Variants in ADGRV1 observed in about 807,000 individuals in gnomAD.
ADGRV1 encodes the protein G-protein coupled receptor 98.
ADGRV1 carries 359 observed loss-of-function variants against 596.2 expected under a neutral mutation model. The observed-to-expected ratio is 0.60, with a 90% CI of 0.55 to 0.66. The LOEUF is 0.66. ADGRV1 is among the 30% of genes least tolerant of loss of function. The pLI is 0.00. For synonymous variants in ADGRV1, 2,681 were observed against 2,679.2 expected (o/e 1.00, Z -0.02); for missense variants, 7,274 against 7,575.6 (o/e 0.96, Z 1.48).
intron 87 of ADGRV1, among the ~76,000 whole-genome samples, chr5:91,106,026 T>C (rs1791841168): frequency 6.6e-6 from 1 of 151,794 alleles, no homozygotes; most frequent in Admixed American, 6.6e-5. Context: ...TTTATAAATA[T>C]GAATCTATTT....
chr5:90,928,237 G>A (rs1316148671), intron 83 of ADGRV1, among the ~76,000 whole-genome samples: 1 of 151,958 alleles, frequency 6.6e-6, no homozygotes, highest in African/African-American at 2.4e-5. Flanking sequence ...TTTCCACCTT[G>A]GTTCCATTCT....
At chr5:90,745,877 G>C in intron 52 of ADGRV1, 82 bp downstream of exon 52, 1 of 796,114 alleles carries the variant, frequency 1.3e-6, no homozygotes, top group Non-Finnish European at 2.0e-6. Flanking sequence ...TTAGCACTCA[G>C]CAAGTCATAG....
chr5:91,084,062 T>A (rs1358609842), intron 86 of ADGRV1, among the ~76,000 whole-genome samples: 2 of 152,174 alleles, frequency 1.3e-5, no homozygotes, highest in Non-Finnish European at 2.9e-5. Flanking sequence ...CAGGCCACCA[T>A]TTTCCTCTCC....
intron 1 of ADGRV1, among the ~76,000 whole-genome samples, chr5:90,587,998 TA>T (rs1345521310): frequency 2.6e-5 from 4 of 152,248 alleles, no homozygotes; most frequent in Non-Finnish European, 4.4e-5. Flanking sequence ...ATTATACTGA[TA>T]TTACCACTGA....
At position 90,745,750 on chromosome 5, in the gene ADGRV1, C is replaced by T. The variant is rs1268816670; in HGVS notation, c.10929C>T (p.Thr3643=). The T allele has an allele frequency of 1.2e-6, 2 of 1,611,934 alleles. No individual in the cohort carries two copies. Among genetic ancestry groups the T allele is most frequent in the Admixed American group, 1.7e-5 (1 of 60,008 alleles). ...GCATTAATGATTCTGTAACAATAAC[C>T]ATTCTGTCTAATGATGATGCCTATG... ...EIGINDSVTI[T]ILSNDDAYGI... Residue 3643 remains threonine (T), a synonymous_variant, in exon 52 of 90, where the codon ACC becomes ACT. Transcript: ENST00000405460.
At chr5:90,941,182 A>C (rs1776140779) in intron 83 of ADGRV1, among the ~76,000 whole-genome samples, 1 of 152,198 alleles carries the variant, frequency 6.6e-6, no homozygotes, top group Admixed American at 6.5e-5. Flanking sequence ...AAAGCAAATA[A>C]AACTCCTTCA....
At chr5:90,967,862 C>A (rs1778613444) in intron 84 of ADGRV1, among the ~76,000 whole-genome samples, 1 of 152,182 alleles carries the variant, frequency 6.6e-6, no homozygotes, top group Non-Finnish European at 1.5e-5. Flanking sequence ...GAATGCTTAA[C>A]AATAACAACT....
intron 9 of ADGRV1, among the ~76,000 whole-genome samples, chr5:90,631,383 G>A (rs1346348418): frequency 6.6e-6 from 1 of 151,952 alleles, no homozygotes; most frequent in Admixed American, 6.6e-5. Flanking sequence ...ATTTTTCGAG[G>A]ACTCTTGTCC....
intron 89 of ADGRV1, among the ~76,000 whole-genome samples, chr5:91,161,284 G>C (rs924868336): frequency 1.3e-5 from 2 of 152,130 alleles, no homozygotes; most frequent in Admixed American, 1.3e-4. Context: ...GAGAAGCATG[G>C]GCCATTTGTC....
chr5:91,107,179 G>A (rs1407456326), intron 87 of ADGRV1, among the ~76,000 whole-genome samples: 1 of 150,156 alleles, frequency 6.7e-6, no homozygotes, highest in Non-Finnish European at 1.5e-5. Context: ...GCTGGTCTGG[G>A]AACTACAGTT....
intron 83 of ADGRV1, among the ~76,000 whole-genome samples, chr5:90,870,368 A>G (rs1392057335): frequency 6.6e-6 from 1 of 152,230 alleles, no homozygotes; most frequent in Non-Finnish European, 1.5e-5. Context: ...TAGGTAGAAC[A>G]TTGAAGGAAG....
intron 85 of ADGRV1, among the ~76,000 whole-genome samples, chr5:91,025,540 T>G (rs947507162): frequency 2.0e-5 from 3 of 152,148 alleles, no homozygotes; most frequent in Non-Finnish European, 4.4e-5. Flanking sequence ...TTGTGAGACA[T>G]AAAGGAAGGG....
At chr5:90,934,223 C>A (rs1775489851) in intron 83 of ADGRV1, among the ~76,000 whole-genome samples, 1 of 152,156 alleles carries the variant, frequency 6.6e-6, no homozygotes, top group South Asian at 2.1e-4. Context: ...GGAAGTCTTG[C>A]CCTTGCTCAG....
intron 85 of ADGRV1, among the ~76,000 whole-genome samples, chr5:91,060,368 A>ATGTGTGTGTGTGTG (rs1481100763): frequency 7.2e-4 from 56 of 77,554 alleles, no homozygotes; most frequent in African/African-American, 2.3e-3. Context: ...GCAATTTTAT[A>ATGTGTGTGTGTGTG]TGTGTGTGTG....
At chr5:90,986,088 A>T (rs1049473719) in intron 85 of ADGRV1, among the ~76,000 whole-genome samples, 30 of 141,628 alleles carry the variant, frequency 2.1e-4, no homozygotes, top group East Asian at 4.0e-4. Context: ...ATATATGCAT[A>T]ATATATATAT....
At chr5:90,922,759 A>C (rs189277606) in intron 83 of ADGRV1, among the ~76,000 whole-genome samples, 1 of 152,298 alleles carries the variant, frequency 6.6e-6, no homozygotes, top group East Asian at 1.9e-4. Context: ...AACCTGACCT[A>C]CTGAATTAGC....
chr5:90,790,777 T>A (rs1759977856), intron 69 of ADGRV1, 96 bp from the exon 70 acceptor site: 2 of 763,622 alleles, frequency 2.6e-6, no homozygotes, highest in African/African-American at 1.8e-5. Flanking sequence ...AATTATATTT[T>A]TTTTTTGTAT....
intron 83 of ADGRV1, among the ~76,000 whole-genome samples, chr5:90,896,392 T>C (rs1292371639): frequency 6.9e-6 from 1 of 144,294 alleles, no homozygotes; most frequent in Non-Finnish European, 1.5e-5. Flanking sequence ...CACCTCAGCC[T>C]CCCAAGTAGG....
intron 84 of ADGRV1, among the ~76,000 whole-genome samples, chr5:90,975,249 G>C (rs189023121): frequency 0.013 from 2,040 of 152,178 alleles, 15 homozygotes; most frequent in Non-Finnish European, 0.022. Context: ...TTACACTGTT[G>C]GTGGGACTGT....
Sources: allele counts gnomAD v4.1 joint callset (sites outside exome capture counted in the v4.1 genomes callset), GRCh38; gene constraint gnomAD v4.1.1; transcripts MANE v1.5; gene names NCBI Gene and HGNC (gene_info 2026-07-23, HGNC 2026-07-21).